Variants in PHF14 observed in about 807,000 individuals in gnomAD.
PHF14 encodes PHD finger protein 14.
Under a neutral mutation model 117.9 loss-of-function variants are expected in PHF14, and 55 were observed. The observed-to-expected ratio is 0.47, with a 90% CI of 0.38 to 0.58. The LOEUF is 0.58. Ranked by LOEUF, PHF14 falls within the 20% of genes least tolerant of loss-of-function variation. The pLI is 0.00. For missense variants in PHF14, 978 were observed against 1,122.2 expected, an observed-to-expected ratio of 0.87 and a Z score of 1.84; for synonymous variants, 409 against 368.6, an observed-to-expected ratio of 1.11 and a Z score of -1.26.
chr7:11,146,643 A>G (rs1448266697), intron 17 of PHF14, among the ~76,000 whole-genome samples: 22 of 152,316 alleles, frequency 1.4e-4, no homozygotes, highest in Admixed American at 1.4e-3. Context: ...GGCAACATAT[A>G]TGTACATTTT....
chr7:11,011,105 ATCTAT>A (rs1783340517), intron 4 of PHF14, among the ~76,000 whole-genome samples: 1 of 152,188 alleles, frequency 6.6e-6, no homozygotes, highest in South Asian at 2.1e-4. Context: ...TTTAGTTATG[ATCTAT>A]ATTTGGTAAG....
intron 17 of PHF14, among the ~76,000 whole-genome samples, chr7:11,156,051 C>A (rs1205537156): frequency 5.3e-5 from 8 of 152,170 alleles, no homozygotes. Flanking sequence ...TGATTTGATA[C>A]TTGCCAAGTG....
chr7:11,104,571 G>C (rs1787195142), intron 16 of PHF14: 1 of 983,028 alleles, frequency 1.0e-6, no homozygotes, highest in African/African-American at 1.7e-5. Flanking sequence ...TTATCACACA[G>C]TAGGGAAAGG....
intron 7 of PHF14, among the ~76,000 whole-genome samples, chr7:11,033,334 T>C (rs1186848889): frequency 1.3e-5 from 2 of 152,176 alleles, no homozygotes; most frequent in African/African-American, 4.8e-5. Context: ...TCTTTCTTCT[T>C]GCTTCACCTT....
chr7:10,989,046 C>T (rs556616884), intron 3 of PHF14, among the ~76,000 whole-genome samples: 177 of 152,176 alleles, frequency 1.2e-3, no homozygotes, highest in African/African-American at 3.9e-3. Context: ...TTTTATTTGC[C>T]AGCCATTTGT....
intron 5 of PHF14, among the ~76,000 whole-genome samples, chr7:11,015,441 T>C (rs1002724638): frequency 2.6e-5 from 4 of 152,220 alleles, no homozygotes; most frequent in African/African-American, 9.6e-5. Flanking sequence ...TGTATTGACA[T>C]GAATCTGTGG....
intron 17 of PHF14, among the ~76,000 whole-genome samples, chr7:11,162,045 G>C (rs1356728156): frequency 2.2e-5 from 3 of 134,964 alleles, no homozygotes; most frequent in African/African-American, 7.8e-5. Flanking sequence ...AGCCCCTTCA[G>C]ATCAGCAGGA....
chr7:11,125,599 T>C (rs1370738134), intron 17 of PHF14, among the ~76,000 whole-genome samples: 1 of 152,122 alleles, frequency 6.6e-6, no homozygotes, highest in Non-Finnish European at 1.5e-5. Flanking sequence ...GGTTCCTGCC[T>C]CATTGACAGA....
At chr7:11,147,233 C>T (rs1334792027) in intron 17 of PHF14, among the ~76,000 whole-genome samples, 1 of 152,106 alleles carries the variant, frequency 6.6e-6, no homozygotes, top group African/African-American at 2.4e-5. Flanking sequence ...TTTTATGCTG[C>T]AAGAAAGGTT....
intron 16 of PHF14, among the ~76,000 whole-genome samples, chr7:11,077,973 T>C (rs958623989): frequency 2.0e-5 from 3 of 152,218 alleles, no homozygotes; most frequent in African/African-American, 7.2e-5. Flanking sequence ...CAAGAAGATA[T>C]AACCTCAGAA....
chr7:10,974,842 C>G lies in PHF14; in HGVS notation c.9C>G (p.Arg3=). Residue 3 remains arginine, a synonymous_variant, in exon 2 of 18, where the codon CGC becomes CGG. Coordinates refer to ENST00000634607, the MANE Select transcript of PHF14 (RefSeq NM_001007157.2). MD[R]SSKRRQVKPL... is the part of the protein sequence containing the mutation. ...ATTTTTTTCTCTTCACAGTGGATCGCAGCTCCAAGAGGAGGCAGGTGAAGC... is the reference window on the plus strand; with the variant it reads ...ATTTTTTTCTCTTCACAGTGGATCGGAGCTCCAAGAGGAGGCAGGTGAAGC... 6.4e-7 allele frequency: 1 copy of G among 1,560,286 alleles called. No homozygotes were observed. Among genetic ancestry groups the G allele is most frequent in the South Asian group, 1.2e-5 (1 of 85,412 alleles).
Position 11,036,559 on chromosome 7 carries a change from A to G in PHF14, c.1744A>G (p.Lys582Glu). ...TTCAGCTATTCGTAAACTTATGCGG[A>G]AAGCAGAACTCATGGGGATCAGTAC... ...SASAIRKLMR[K>E]AELMGISTDI... The change falls in exon 9 of 18, where the codon AAA (lysine) becomes GAA (glutamate). Residue 582 changes from lysine to glutamate, a missense_variant. By Grantham distance (56) the Lys-to-Glu change is moderately conservative (BLOSUM62 1). Transcript: ENST00000634607. 1 of 1,614,016 alleles carries G rather than the reference A, an allele frequency of 6.2e-7. No individual in the cohort carries two copies. Among genetic ancestry groups the G allele is most frequent in the Non-Finnish European group, 8.5e-7 (1 of 1,179,882 alleles).
At chr7:11,081,994 A>G (rs1321319197) in intron 16 of PHF14, among the ~76,000 whole-genome samples, 2 of 152,176 alleles carry the variant, frequency 1.3e-5, no homozygotes, top group Non-Finnish European at 2.9e-5. Flanking sequence ...TTAAAAGCTA[A>G]TAGTGTACGT....
At chr7:11,103,330 TATA>T (rs1787153963) in intron 16 of PHF14, 1 of 904,606 alleles carries the variant, frequency 1.1e-6, no homozygotes, top group African/African-American at 1.8e-5. Context: ...CTGTGTTCAG[TATA>T]ATTTTATTTT....
At chr7:11,052,009 A>G (rs979778445) in intron 14 of PHF14, among the ~76,000 whole-genome samples, 7 of 152,170 alleles carry the variant, frequency 4.6e-5, no homozygotes, top group African/African-American at 1.7e-4. Flanking sequence ...CAGAGCATCC[A>G]TCACCCACCT....
In PHF14 at chr7:11,000,203, A is replaced by T. The variant is rs147655412; in HGVS notation, c.1045+9356A>T. On this transcript the variant is annotated intron_variant, in intron 4 of 17. Coordinates refer to ENST00000634607, the MANE Select transcript of PHF14 (RefSeq NM_001007157.2). ...CTTAAAAAATTACGCTACTACTTTC[A>T]TCCTCTAGTTTAAATAATTTCCCAT... Among the ~76,000 whole-genome samples, 231 of 152,220 alleles carry T rather than the reference A, an allele frequency of 1.5e-3. 2 individuals are homozygous for T. Among genetic ancestry groups the T allele is most frequent in the African/African-American group, 5.3e-3 (222 of 41,544 alleles).
chr7:11,104,719 A>G (rs956021362), intron 16 of PHF14: 6 of 729,608 alleles, frequency 8.2e-6, no homozygotes, highest in South Asian at 6.2e-5. Flanking sequence ...TGACTACCCT[A>G]TTCCTCTCCT....
chr7:11,135,685 A>G (rs939930723), intron 17 of PHF14, among the ~76,000 whole-genome samples: 4 of 152,280 alleles, frequency 2.6e-5, no homozygotes, highest in South Asian at 2.1e-4. Context: ...ATAGCTTTCA[A>G]TTCATTGCCG....
intron 14 of PHF14, among the ~76,000 whole-genome samples, chr7:11,056,583 A>G (rs1353361396): frequency 6.6e-6 from 1 of 152,046 alleles, no homozygotes. Context: ...TTGGTAGCCA[A>G]CAGAAACAGA....
Sources: gnomAD v4.1 joint callset for allele counts (sites outside exome capture counted in the v4.1 genomes callset) on GRCh38, gnomAD v4.1.1 for gene constraint, MANE v1.5 for transcripts, NCBI Gene and HGNC (gene_info 2026-07-23, HGNC 2026-07-21) for gene names.